Variants in SEMA4C observed in about 807,000 individuals in gnomAD.
The protein encoded by SEMA4C is semaphorin-4C.
In SEMA4C, 19 loss-of-function variants were observed where a neutral mutation model predicts 89.0. The ratio of observed to expected loss-of-function variants is 0.21; its 90% confidence interval spans 0.15 to 0.31. The LOEUF (loss-of-function observed/expected upper bound fraction) is 0.31, where lower values mean the gene tolerates loss of function less well. Among genes scored for constraint, SEMA4C ranks in the 10% least tolerant of loss-of-function variants. The pLI, the probability that SEMA4C is intolerant of heterozygous loss-of-function variation, is 1.00. For missense variants in SEMA4C, 811 were observed against 1,107.0 expected, an observed-to-expected ratio of 0.73 and a Z score of 3.79; for synonymous variants, 428 against 472.7, an observed-to-expected ratio of 0.91 and a Z score of 1.23.
rs2079944985 is a variant in SEMA4C at position 96,861,630 on chromosome 2, C to T, written c.1621G>A (p.Val541Met). The change falls in exon 14 of 15, where the codon GTG (valine) becomes ATG (methionine). Residue 541 changes from valine (V) to methionine (M), a missense_variant. This residue lies in a region of SEMA4C where 441 missense variants were observed against 664.9 expected (regional missense o/e 0.66). Coordinates refer to ENST00000305476, the MANE Select transcript of SEMA4C (RefSeq NM_017789.5). The surrounding 1 kb of genome is among the most constrained non-coding windows in gnomAD (Gnocchi z 7.8). ...GHSGSLLIQH[V>M]MTSDTSGICN... ...ATGCCTGAAGTGTCCGAGGTCATCA[C>T]ATGCTGGATCAGTAGAGATCTGGTA... 1 of 1,577,252 alleles carries T rather than the reference C, an allele frequency of 6.3e-7. No homozygotes were observed. The highest frequency in any genetic ancestry group is 8.6e-7 in the Non-Finnish European group (1 of 1,158,376).
upstream of SEMA4C, chr2:96,870,660 G>A (rs896604587): frequency 2.0e-5 from 20 of 985,392 alleles, no homozygotes; most frequent in African/African-American, 3.1e-4. Flanking sequence ...AACAGAAAGG[G>A]CCTGCTCCTG....
chr2:96,864,095 G>A lies in SEMA4C; in HGVS notation c.1161C>T (p.Pro387=), dbSNP rs373612373. 49 of 1,612,836 alleles carry A rather than the reference G, an allele frequency of 3.0e-5. No homozygotes were observed. Among genetic ancestry groups the A allele is most frequent in the East Asian group, 4.5e-5 (2 of 44,878 alleles). The change falls in exon 11 of 15, where the codon CCC becomes CCT. Residue 387 remains proline, a synonymous_variant. Transcript: ENST00000305476. This position sits in a 1 kb window ranked among gnomAD's most constrained non-coding sequence, Gnocchi z 6.3. The part of the protein sequence containing the change: ...RHGYTSSLEL[P]DNILNFVKKH... ...TCTTGACGAAGTTGAGGATGTTGTC[G>A]GGTAGCTCCAGGGAGCTGGTGTAGC...
chr2:96,865,468 C>A lies in SEMA4C; in HGVS notation c.490G>T (p.Ala164Ser). The A allele has an allele frequency of 6.2e-7, 1 of 1,614,072 alleles. No homozygotes were observed. The highest frequency in any genetic ancestry group is 2.2e-5 in the East Asian group (1 of 44,886). The change falls in exon 6 of 15, where the codon GCT becomes TCT. Residue 164 changes from alanine (A) to serine (S), a missense_variant. Coordinates refer to ENST00000305476, the MANE Select transcript of SEMA4C (RefSeq NM_017789.5). ...DGKGKCPYDP[A>S]KGHAGLLVDG... ...ACAAGAAGGCCAGCATGGCCCTTAG[C>A]TGGGTCATAGGGACACTTGCCCTTC...
At chr2:96,870,409 C>T (rs2080177139), upstream of SEMA4C, 9 of 311,094 alleles carry the variant, frequency 2.9e-5, no homozygotes, top group Non-Finnish European at 4.2e-5. Flanking sequence ...CCGAAGACTC[C>T]GGGCGGGCTG....
rs566735028 is a variant in SEMA4C, at chr2:96,863,565, T to G, written c.1443+117A>C. 4.3e-5 allele frequency: 54 copies of G among 1,248,724 alleles called. 1 individual carries two copies. The highest frequency in any genetic ancestry group is 4.2e-5 in the South Asian group (3 of 71,472). 77.4% of individuals were successfully genotyped at this position (1,248,724 alleles called of 1,614,324 possible). A position where few individuals can be genotyped will look rare whatever the true frequency, so the allele number is the denominator to read the frequency against. ...GGCAAGGTGTGCATCCACATGTGTG[T>G]GTGTTCCTAACTCTGCACTGGCCAA... is the stretch of plus-strand genomic sequence containing the variant. On this transcript the variant is annotated intron_variant, in intron 12 of 14. Transcript: ENST00000305476.
Position 96,865,252 on chromosome 2 carries a change from C to T in SEMA4C, c.586G>A (p.Gly196Arg), listed in dbSNP as rs2080043004. 1 of 1,614,144 alleles carries T rather than the reference C, an allele frequency of 6.2e-7. No individual in the cohort carries two copies. Among genetic ancestry groups the T allele is most frequent in the African/African-American group, 1.3e-5 (1 of 75,050 alleles). ...TCTGTCTTCATGGAGTGGTGGGGCC[C>T]CATGTTACGCAGGATAATGGGTTCC... ...GTEPIILRNM[G>R]PHHSMKTEYL... is the part of the protein sequence containing the mutation. The change falls in exon 7 of 15, where the codon GGG becomes AGG. Residue 196 changes from glycine (G) to arginine (R), a missense_variant. This residue lies in a region of SEMA4C where 441 missense variants were observed against 664.9 expected (regional missense o/e 0.66). Transcript: ENST00000305476.
intron 2 of SEMA4C, among the ~76,000 whole-genome samples, chr2:96,867,372 T>A (rs1376668960): frequency 2.0e-5 from 3 of 152,090 alleles, no homozygotes; most frequent in African/African-American, 7.3e-5. Context: ...CATGTGCACA[T>A]ACACACACAC....
chr2:96,861,489 T>G lies in SEMA4C; in HGVS notation c.1673-34A>C. 1 of 1,610,492 alleles carries G rather than the reference T, an allele frequency of 6.2e-7. No homozygotes were observed. Among genetic ancestry groups the G allele is most frequent in the Non-Finnish European group, 8.5e-7 (1 of 1,177,288 alleles). Reference sequence around the variant, plus strand: ...GCAGAGAAAACAGAGTGCATGTTAGTGCAGGAAAGCAGGGCTGGGGAAGAG... The same window carrying G: ...GCAGAGAAAACAGAGTGCATGTTAGGGCAGGAAAGCAGGGCTGGGGAAGAG... On this transcript the variant is annotated intron_variant, in intron 14 of 14. Transcript: ENST00000305476. The surrounding 1 kb of genome is among the most constrained non-coding windows in gnomAD (Gnocchi z 7.8).
At chr2:96,869,786 G>C in intron 1 of SEMA4C, 90 bp downstream of exon 1, 1 of 983,104 alleles carries the variant, frequency 1.0e-6, no homozygotes, top group Non-Finnish European at 1.2e-6. Context: ...TGTCCCTCCC[G>C]CGTCCGGCAG....
chr2:96,868,747 G>A (rs1479877811), intron 1 of SEMA4C: 2 of 984,136 alleles, frequency 2.0e-6, no homozygotes, highest in East Asian at 1.1e-4. Flanking sequence ...GCGACGGGGG[G>A]AGGTAGGGGC....
chr2:96,870,745 G>A, upstream of SEMA4C: 1 of 985,482 alleles, frequency 1.0e-6, no homozygotes, highest in South Asian at 4.7e-5. Flanking sequence ...ATTAACAAGT[G>A]GCATGAGCCC....
Position 96,861,174 on chromosome 2 carries a change from T to C in SEMA4C, c.1954A>G (p.Thr652Ala), listed in dbSNP as rs750568555. Residue 652 changes from threonine to alanine, a missense_variant, in exon 15 of 15, where the codon ACC (threonine) becomes GCC (alanine). This residue lies in a region of SEMA4C where 248 missense variants were observed against 269.0 expected (regional missense o/e 0.92). Transcript: ENST00000305476. The surrounding 1 kb of genome is among the most constrained non-coding windows in gnomAD (Gnocchi z 7.8). The stretch of plus-strand genomic sequence containing the variant: ...TCCAGGGGGGCCCGGGCCTCCAAGG[T>C]CACCGACGGGCCTGCCACGACAGCC... The part of the protein sequence containing the change: ...LVAVVAGPSV[T>A]LEARAPLENL... 10 of 1,609,686 alleles carry C rather than the reference T, an allele frequency of 6.2e-6. No homozygotes were observed. The highest frequency in any genetic ancestry group is 8.5e-6 in the Non-Finnish European group (10 of 1,179,608).
In SEMA4C at chr2:96,860,631, CTGA is replaced by C; in HGVS notation, c.2494_2496del (p.Ser832del). ...CGACGCGGTGGGGGTTCCCCTCATACTGATGACTCCTCGGGGTTGGAGTCGGGC... is the reference window on the plus strand; with the variant it reads ...CGACGCGGTGGGGGTTCCCCTCATACTGACTCCTCGGGGTTGGAGTCGGGC... On this transcript the variant is annotated inframe_deletion, in exon 15 of 15. Transcript: ENST00000305476. The C allele has an allele frequency of 6.2e-7, 1 of 1,605,128 alleles. No individual in the cohort carries two copies. The highest frequency in any genetic ancestry group is 8.5e-7 in the Non-Finnish European group (1 of 1,174,936).
intron 5 of SEMA4C, 40 bp downstream of exon 5, chr2:96,865,626 C>CG: frequency 1.2e-6 from 1 of 856,026 alleles, no homozygotes; most frequent in Non-Finnish European, 1.8e-6. Flanking sequence ...GTGAGGAGGG[C>CG]GGGGGGCTGG....
chr2:96,869,507 C>T (rs2080160131), intron 1 of SEMA4C: 1 of 985,148 alleles, frequency 1.0e-6, no homozygotes, highest in Admixed American at 6.1e-5. Flanking sequence ...AAATCCGATC[C>T]CACAACATCG....
rs1389357730 is a variant in SEMA4C at position 96,869,124 on chromosome 2, G to C, written c.-38+752C>G. 1.0e-5 allele frequency: 10 copies of C among 985,246 alleles called. No individual in the cohort carries two copies. In the South Asian group the frequency reaches 4.2e-4, roughly 42 times the overall value. The allele number at this position is 985,246 out of a possible 1,614,324, so 61.0% of individuals were successfully genotyped here. The stretch of plus-strand genomic sequence containing the variant: ...GTCGGCCCAGAGCCCCGGCGCGGGA[G>C]AGCGGGGGCTGCGCCCCAGACCAGC... On this transcript the variant is annotated intron_variant, in intron 1 of 14. Coordinates refer to ENST00000305476, the MANE Select transcript of SEMA4C (RefSeq NM_017789.5).
At position 96,861,138 on chromosome 2, in the gene SEMA4C, G is replaced by C. The variant is rs771693934; in HGVS notation, c.1990C>G (p.Leu664Val). ...EARAPLENLG[L>V]VWLAVVALGA... is the part of the protein sequence containing the mutation. ...AGGGCCACCACCGCCAGCCACACCAGCCCCAGGTTTTCCAGGGGGGCCCGG... is the reference window on the plus strand; with the variant it reads ...AGGGCCACCACCGCCAGCCACACCACCCCCAGGTTTTCCAGGGGGGCCCGG... The change falls in exon 15 of 15, where the codon CTG (leucine) becomes GTG (valine). Residue 664 changes from leucine (L) to valine (V), a missense_variant. By Grantham distance (32) the Leu-to-Val change is conservative. Coordinates refer to ENST00000305476, the MANE Select transcript of SEMA4C (RefSeq NM_017789.5). The surrounding 1 kb of genome is among the most constrained non-coding windows in gnomAD (Gnocchi z 7.8). The C allele has an allele frequency of 1.7e-5, 28 of 1,611,376 alleles. No homozygotes were observed. The highest frequency in any genetic ancestry group is 2.2e-5 in the Non-Finnish European group (26 of 1,179,692).
Position 96,864,784 on chromosome 2 carries a change from T to G in SEMA4C, c.883A>C (p.Asn295His). The G allele has an allele frequency of 6.2e-7, 1 of 1,613,874 alleles. No individual in the cohort carries two copies. The highest frequency in any genetic ancestry group is 8.5e-7 in the Non-Finnish European group (1 of 1,180,000). ...AGGGTGTGCATCGCCTGCAGCTGGT[T>G]GAAGTAGAGCTGCCAGTTCGGGGCA... Reference protein sequence around the residue: ...CSAPNWQLYFNQLQAMHTLQD... With the variant: ...CSAPNWQLYFHQLQAMHTLQD... The change falls in exon 9 of 15, where the codon AAC (asparagine) becomes CAC (histidine). Residue 295 changes from asparagine (N) to histidine (H), a missense_variant. Physicochemically the swap from Asn to His is moderately conservative, Grantham distance 68. Coordinates refer to ENST00000305476, the MANE Select transcript of SEMA4C (RefSeq NM_017789.5). This position sits in a 1 kb window ranked among gnomAD's most constrained non-coding sequence, Gnocchi z 6.3.
intron 2 of SEMA4C, chr2:96,866,698 A>G (rs1303371293): frequency 1.6e-6 from 1 of 614,662 alleles, no homozygotes; most frequent in South Asian, 1.5e-5. Context: ...AGAGGAAGCC[A>G]TCAGACTGAT....
Sources: gnomAD v4.1 joint callset for allele counts (sites outside exome capture counted in the v4.1 genomes callset) on GRCh38, gnomAD v4.1.1 for gene constraint, gnomAD v4.1.1 regional missense constraint, Gnocchi (gnomAD v3.1) non-coding constraint, MANE v1.5 for transcripts, NCBI Gene and HGNC (gene_info 2026-07-23, HGNC 2026-07-21) for gene names.